Variants in DPAGT1 observed in about 807,000 individuals in gnomAD.
DPAGT1 encodes the protein dolichyl-phosphate N-acetylglucosaminephosphotransferase 1.
A neutral mutation model predicts 39.3 loss-of-function variants in DPAGT1; 25 were observed. That is an observed-to-expected ratio of 0.64 (90% confidence interval 0.46 to 0.89). The LOEUF (loss-of-function observed/expected upper bound fraction) is 0.89, where lower values mean the gene tolerates loss of function less well. DPAGT1 is among the 40% of genes least tolerant of loss of function. DPAGT1 has a pLI of 0.00. For missense variants in DPAGT1, 381 were observed against 500.6 expected (o/e 0.76, Z 2.28); for synonymous variants, 193 against 201.4 (o/e 0.96, Z 0.36).
intron 2 of DPAGT1, 78 bp from the exon 3 acceptor site, chr11:119,100,921 AT>A: frequency 6.2e-7 from 1 of 1,613,788 alleles, no homozygotes; most frequent in South Asian, 1.1e-5. Flanking sequence ...TTTTCTGATA[AT>A]TTCTTAGCCC....
At position 119,097,560 on chromosome 11, in the gene DPAGT1, G is replaced by C. The variant is rs763515856; in HGVS notation, c.918-9C>G. ...CTGTCTTGATATTGAGTCTGCGGGGGGAAGATAGCTTCATGTGACTGGGCC... is the reference window on the plus strand; with the variant it reads ...CTGTCTTGATATTGAGTCTGCGGGGCGAAGATAGCTTCATGTGACTGGGCC... On this transcript the variant is annotated splice_polypyrimidine_tract_variant and intron_variant, in intron 6 of 8. Coordinates refer to ENST00000354202, the MANE Select transcript of DPAGT1 (RefSeq NM_001382.4). The surrounding 1 kb of genome is among the most constrained non-coding windows in gnomAD (Gnocchi z 4.6). 9.3e-6 allele frequency: 15 copies of C among 1,614,108 alleles called. No homozygotes were observed. Among genetic ancestry groups the C allele is most frequent in the Non-Finnish European group, 1.3e-5 (15 of 1,179,982 alleles).
In DPAGT1 at chr11:119,100,822, G is replaced by C; in HGVS notation, c.304C>G (p.Leu102Val). The change falls in exon 3 of 9, where the codon CTC becomes GTC. Residue 102 changes from leucine to valine, a missense_variant. Physicochemically the swap from Leu to Val is conservative, Grantham distance 32. Transcript: ENST00000354202. ...HHEFVALIGALLAICCMIFLG... is the reference protein window; with the variant it reads ...HHEFVALIGAVLAICCMIFLG... ...AAGATCATGCAGCAGATGGCAAGGA[G>C]GGCACCTATCAGGGCCACAAACTGG... The C allele has an allele frequency of 6.2e-7, 1 of 1,614,208 alleles. No homozygotes were observed. The highest frequency in any genetic ancestry group is 8.5e-7 in the Non-Finnish European group (1 of 1,180,044).
Position 119,101,138 on chromosome 11 carries a change from G to C in DPAGT1, c.162C>G (p.Ile54Met). Residue 54 changes from isoleucine (I) to methionine (M), a missense_variant and splice_region_variant, in exon 2 of 9, where the codon ATC becomes ATG. Coordinates refer to ENST00000354202, the MANE Select transcript of DPAGT1 (RefSeq NM_001382.4). Reference sequence around the variant, plus strand: ...CGCTGATCACTCCCTGGGATTCTGGGCTGTGGCCCAGCAGCAAGGGGGCGA... The same window carrying C: ...CGCTGATCACTCCCTGGGATTCTGGCCTGTGGCCCAGCAGCAAGGGGGCGA... Reference protein sequence around the residue: ...QDLNKTSRQQIPESQGVISGA... With the variant: ...QDLNKTSRQQMPESQGVISGA... 6.2e-7 allele frequency: 1 copy of C among 1,614,042 alleles called. No individual in the cohort carries two copies. The highest frequency in any genetic ancestry group is 1.1e-5 in the South Asian group (1 of 91,082).
Position 119,100,681 on chromosome 11 carries a change from T to C in DPAGT1, c.445A>G (p.Ile149Val). ...VYFTNFGNTT[I>V]VVPKPFRPIL... ...GGGCGGAAGGGCTTGGGCACCACAA[T>C]GGTCGTGTTGCCAAAGTTGGTGAAA... Residue 149 changes from isoleucine to valine, a missense_variant, in exon 3 of 9, where the codon ATT (isoleucine) becomes GTT (valine). Transcript: ENST00000354202. The C allele has an allele frequency of 6.2e-7, 1 of 1,614,174 alleles. No individual in the cohort carries two copies. The highest frequency in any genetic ancestry group is 8.5e-7 in the Non-Finnish European group (1 of 1,180,026).
At chr11:119,100,992 G>A (rs368194874) in intron 2 of DPAGT1, 26 bp downstream of exon 2, 1 of 1,614,140 alleles carries the variant, frequency 6.2e-7, no homozygotes, top group Admixed American at 1.7e-5. Context: ...CCAGCCACAG[G>A]CAATCACCCC....
At position 119,097,108 on chromosome 11, in the gene DPAGT1, G is replaced by C. The variant is rs755817347; in HGVS notation, c.1161+34C>G. ...GGAGTAAGAATCACGCAGAAAGGGA[G>C]ACACGGAGGTATAAACTCGATTCCC... On this transcript the variant is annotated intron_variant, in intron 8 of 8. Transcript: ENST00000354202. The surrounding 1 kb of genome is among the most constrained non-coding windows in gnomAD (Gnocchi z 4.6). 1 of 1,614,224 alleles carries C rather than the reference G, an allele frequency of 6.2e-7. No individual in the cohort carries two copies. The highest frequency in any genetic ancestry group is 8.5e-7 in the Non-Finnish European group (1 of 1,180,044).
At chr11:119,094,739 C>A, downstream of DPAGT1, 2 of 509,782 alleles carry the variant, frequency 3.9e-6, no homozygotes, top group South Asian at 2.8e-5. Context: ...AGGGCAGGGC[C>A]CGAGGCCGAC....
intron 1 of DPAGT1, 132 bp from the exon 2 acceptor site, chr11:119,101,270 C>T: frequency 5.7e-6 from 8 of 1,400,888 alleles, no homozygotes; most frequent in South Asian, 2.5e-5. Context: ...GTGAGGGGGG[C>T]GGAGGGAGGA....
At chr11:119,095,592 G>A (rs1348083651), downstream of DPAGT1, 1 of 554,892 alleles carries the variant, frequency 1.8e-6, no homozygotes, top group African/African-American at 2.0e-5. Flanking sequence ...GTCGCGGCTC[G>A]GCTGAGGGAG....
intron 1 of DPAGT1, 178 bp downstream of exon 1, chr11:119,101,317 T>TC: frequency 7.2e-7 from 1 of 1,386,458 alleles, no homozygotes; most frequent in South Asian, 1.2e-5. Flanking sequence ...TACCCAAGGG[T>TC]CCCTACCCAT....
downstream of DPAGT1, chr11:119,094,292 T>C (rs1946354418): frequency 6.6e-6 from 1 of 152,198 alleles, no homozygotes; most frequent in South Asian, 2.1e-4. Context: ...AGAGCTGATG[T>C]GAAAGGCCTG....
downstream of DPAGT1, chr11:119,094,149 C>T (rs1032269054): frequency 7.9e-5 from 12 of 152,702 alleles, no homozygotes; most frequent in African/African-American, 2.9e-4. Flanking sequence ...CATAGCCAGC[C>T]GTGAAGCCAA....
At chr11:119,098,210 C>T in intron 5 of DPAGT1, 167 bp from the exon 6 acceptor site, 2 of 1,108,064 alleles carry the variant, frequency 1.8e-6, no homozygotes, top group Non-Finnish European at 2.7e-6. Flanking sequence ...TTCATCTATT[C>T]CTGGGGCCTC....
rs1414865561 is a variant in DPAGT1, at chr11:119,100,840, C to T, written c.286G>A (p.Val96Met). Residue 96 changes from valine to methionine, a missense_variant, in exon 3 of 9, where the codon GTG (valine) becomes ATG (methionine). By Grantham distance (21) the Val-to-Met change is conservative. Coordinates refer to ENST00000354202, the MANE Select transcript of DPAGT1 (RefSeq NM_001382.4). ...GCAAGGAGGGCACCTATCAGGGCCACAAACTGGGGGAGGCTCGGGCAGGTC... is the reference window on the plus strand; with the variant it reads ...GCAAGGAGGGCACCTATCAGGGCCATAAACTGGGGGAGGCTCGGGCAGGTC... ...QCKAFPHHEF[V>M]ALIGALLAIC... 1.2e-6 allele frequency: 2 copies of T among 1,614,078 alleles called. No homozygotes were observed. Among genetic ancestry groups the T allele is most frequent in the African/African-American group, 2.7e-5 (2 of 74,914 alleles).
Position 119,101,744 on chromosome 11 carries a change from C to T in DPAGT1, c.-89G>A. ...CTGAGGCCTCAGCAGTATGGAGTGG[C>T]CGCTCCCCACAGGCAGGCTCTTCCC... On this transcript the variant is annotated 5_prime_UTR_variant, in exon 1 of 9. Coordinates refer to ENST00000354202, the MANE Select transcript of DPAGT1 (RefSeq NM_001382.4). 1 of 1,600,564 alleles carries T rather than the reference C, an allele frequency of 6.2e-7. No individual in the cohort carries two copies. The highest frequency in any genetic ancestry group is 2.3e-5 in the East Asian group (1 of 44,176).
At position 119,097,692 on chromosome 11, in the gene DPAGT1, G is replaced by A; in HGVS notation, c.918-141C>T. 1 of 1,407,868 alleles carries A rather than the reference G, an allele frequency of 7.1e-7. No homozygotes were observed. Among genetic ancestry groups the A allele is most frequent in the Non-Finnish European group, 1.0e-6 (1 of 998,390 alleles). 87.2% of individuals were successfully genotyped at this position (1,407,868 alleles called of 1,614,324 possible). The stretch of plus-strand genomic sequence containing the variant: ...GCTTACTGTTATCAGAACCACTGTA[G>A]CAGATTATGCAAATAAATGTGCTTT... On this transcript the variant is annotated intron_variant, in intron 6 of 8. Transcript: ENST00000354202. The surrounding 1 kb of genome is among the most constrained non-coding windows in gnomAD (Gnocchi z 4.6).
Position 119,098,433 on chromosome 11 carries a change from A to G in DPAGT1, c.698T>C (p.Phe233Ser), listed in dbSNP as rs1450090350. ...GTGGTAGAGCAATCCCAAAGTGGTG[A>G]AAAAAAAGGGTATCATGAAGTAGAG... ...FSLYFMIPFF[F>S]TTLGLLYHNW... The change falls in exon 5 of 9, where the codon TTC becomes TCC. Residue 233 changes from phenylalanine (F) to serine (S), a missense_variant. Phe to Ser is a radical substitution (Grantham distance 155, BLOSUM62 -2). Coordinates refer to ENST00000354202, the MANE Select transcript of DPAGT1 (RefSeq NM_001382.4). 1.9e-6 allele frequency: 3 copies of G among 1,613,182 alleles called. No individual in the cohort carries two copies. Among genetic ancestry groups the G allele is most frequent in the Non-Finnish European group, 1.7e-6 (2 of 1,179,240 alleles).
At chr11:119,095,958 TTTTC>T (rs368433796), downstream of DPAGT1, among the ~76,000 whole-genome samples, 368 of 152,172 alleles carry the variant, frequency 2.4e-3, 3 homozygotes, top group Middle Eastern at 0.048. Context: ...GTTTTCTTTT[TTTTC>T]TTTCTTTCTT....
Position 119,101,009 on chromosome 11 carries a change from C to A in DPAGT1, c.282+9G>T. The A allele has an allele frequency of 6.2e-7, 1 of 1,614,264 alleles. No homozygotes were observed. The highest frequency in any genetic ancestry group is 8.5e-7 in the Non-Finnish European group (1 of 1,180,058). On this transcript the variant is annotated intron_variant, in intron 2 of 8. Transcript: ENST00000354202. ...AGCCACAGGCAATCACCCCCACGAA[C>A]CCACTTACTTCATGGTGGGGGAATG...
Sources: allele counts gnomAD v4.1 joint callset (sites outside exome capture counted in the v4.1 genomes callset), GRCh38; gene constraint gnomAD v4.1.1; non-coding constraint Gnocchi (gnomAD v3.1); transcripts MANE v1.5; gene names NCBI Gene and HGNC (gene_info 2026-07-23, HGNC 2026-07-21).